The following SF3B6 variants were observed in gnomAD, a reference collection of about 807,000 sequenced individuals.
The protein encoded by SF3B6 is SF3b 14 kDa subunit.
SF3B6 carries 3 observed loss-of-function variants against 15.9 expected under a neutral mutation model. The ratio of observed to expected loss-of-function variants is 0.19; its 90% confidence interval spans 0.09 to 0.49. The LOEUF is 0.49. Ranked by LOEUF, SF3B6 falls within the 20% of genes least tolerant of loss-of-function variation. The probability of loss-of-function intolerance (pLI) is 0.97; values close to 1 mark genes in which losing one functional copy is unlikely to be tolerated. For missense variants in SF3B6, 71 were observed against 154.3 expected (o/e 0.46, Z 2.86); for synonymous variants, 49 against 51.1 (o/e 0.96, Z 0.18).
chr2:24,075,428 A>G (rs551904155), intron 1 of SF3B6, among the ~76,000 whole-genome samples: 2 of 149,724 alleles, frequency 1.3e-5, no homozygotes, highest in Non-Finnish European at 3.0e-5. Context: ...CAGTGGCACA[A>G]TCATGGCTCA....
At chr2:24,075,421 TG>T (rs1664723040) in intron 1 of SF3B6, among the ~76,000 whole-genome samples, 1 of 148,862 alleles carries the variant, frequency 6.7e-6, no homozygotes, top group Non-Finnish European at 1.5e-5. Flanking sequence ...TGCTGCGCAG[TG>T]GCACAATCAT....
At chr2:24,072,885 T>C (rs1664679135) in intron 2 of SF3B6, among the ~76,000 whole-genome samples, 1 of 152,260 alleles carries the variant, frequency 6.6e-6, no homozygotes, top group Non-Finnish European at 1.5e-5. Context: ...CTTGAACTCC[T>C]GGCCTTGTAT....
In SF3B6 at chr2:24,074,069, G is replaced by A. The variant is rs766848827; in HGVS notation, c.149+7C>T. The stretch of plus-strand genomic sequence containing the variant: ...TCATTTTCTTTAAATGACTCAGTAA[G>A]ACTCACACTCTGATTTGACGAATAG... On this transcript the variant is annotated splice_region_variant and intron_variant, in intron 2 of 3. Coordinates refer to ENST00000233468, the MANE Select transcript of SF3B6 (RefSeq NM_016047.4). 1.4e-6 allele frequency: 2 copies of A among 1,462,220 alleles called. No individual in the cohort carries two copies. Among genetic ancestry groups the A allele is most frequent in the Non-Finnish European group, 9.6e-7 (1 of 1,045,056 alleles). The allele number at this position is 1,462,220 out of a possible 1,614,324, so 90.6% of individuals were successfully genotyped here.
intron 1 of SF3B6, among the ~76,000 whole-genome samples, chr2:24,075,797 A>T (rs1407875592): frequency 1.3e-5 from 2 of 152,040 alleles, no homozygotes; most frequent in African/African-American, 4.8e-5. Context: ...TAATGTGTTA[A>T]TGAAGGATCC....
At chr2:24,068,825 CTTTGT>C (rs1316555415) in intron 2 of SF3B6, among the ~76,000 whole-genome samples, 7 of 152,134 alleles carry the variant, frequency 4.6e-5, no homozygotes, top group South Asian at 4.1e-4. Flanking sequence ...TCTACGTTGT[CTTTGT>C]TTTGTTTTGT....
At chr2:24,069,208 A>G (rs1169045152) in intron 2 of SF3B6, among the ~76,000 whole-genome samples, 2 of 152,236 alleles carry the variant, frequency 1.3e-5, no homozygotes, top group Non-Finnish European at 2.9e-5. Flanking sequence ...GCTAGGGAGA[A>G]GGGCTAGGCT....
Position 24,074,280 on chromosome 2 carries a change from T to A in SF3B6, c.31-86A>T, listed in dbSNP as rs143602291. 2.6e-4 allele frequency: 173 copies of A among 657,004 alleles called. 1 individual carries two copies. The African/African-American group carries it at 2.9e-3, about 11-fold the overall frequency. 40.7% of individuals were successfully genotyped at this position (657,004 alleles called of 1,614,324 possible). A position where few individuals can be genotyped will look rare whatever the true frequency, so the allele number is the denominator to read the frequency against. ...AATGCCCCTATAATTAGGGGCATTT[T>A]AAAAAATTCTTAATGATACGTAATA... On this transcript the variant is annotated intron_variant, in intron 1 of 3. Coordinates refer to ENST00000233468, the MANE Select transcript of SF3B6 (RefSeq NM_016047.4).
chr2:24,067,945 C>T (rs1664586372), intron 3 of SF3B6, 94 bp from the exon 4 acceptor site: 1 of 986,032 alleles, frequency 1.0e-6, no homozygotes, highest in Non-Finnish European at 1.6e-6. Context: ...TCATAGTAGA[C>T]ATATATCATC....
At chr2:24,076,149 G>A (rs774882029) in intron 1 of SF3B6, 51 bp downstream of exon 1, 3 of 1,612,544 alleles carry the variant, frequency 1.9e-6, no homozygotes, top group Non-Finnish European at 2.5e-6. Context: ...ACGCCGCTAA[G>A]AAAGTCAAAC....
At position 24,068,414 on chromosome 2, in the gene SF3B6, C is replaced by T. The variant is rs1428334006; in HGVS notation, c.195G>A (p.Glu65=). The T allele has an allele frequency of 6.2e-7, 1 of 1,614,104 alleles. No homozygotes were observed. Among genetic ancestry groups the T allele is most frequent in the Admixed American group, 1.7e-5 (1 of 59,990 alleles). ...ATGCATTCTTGGCATCAAAGATGTC[C>T]TCATAGACCACATAAGCTGTTCCTC... The part of the protein sequence containing the change: ...ETRGTAYVVY[E]DIFDAKNACD... The change falls in exon 3 of 4, where the codon GAG becomes GAA. Residue 65 remains glutamate (E), a synonymous_variant. Coordinates refer to ENST00000233468, the MANE Select transcript of SF3B6 (RefSeq NM_016047.4).
chr2:24,072,396 G>A (rs985275091), intron 2 of SF3B6, among the ~76,000 whole-genome samples: 2 of 152,116 alleles, frequency 1.3e-5, no homozygotes, highest in African/African-American at 4.8e-5. Flanking sequence ...GAGCCCTGGA[G>A]GAACTCACAA....
intron 1 of SF3B6, 26 bp downstream of exon 1, chr2:24,076,174 C>A: frequency 1.2e-6 from 2 of 1,614,158 alleles, no homozygotes; most frequent in Non-Finnish European, 1.7e-6. Flanking sequence ...AGTTCTCCCA[C>A]CCTCCGCAGA....
At chr2:24,075,347 T>G (rs1332831683) in intron 1 of SF3B6, among the ~76,000 whole-genome samples, 1 of 141,432 alleles carries the variant, frequency 7.1e-6, no homozygotes, top group South Asian at 2.2e-4. Flanking sequence ...CTTTCTTTCT[T>G]TCTTTCTTTC....
intron 2 of SF3B6, among the ~76,000 whole-genome samples, chr2:24,073,231 G>A (rs190783978): frequency 3.9e-5 from 6 of 152,286 alleles, no homozygotes; most frequent in African/African-American, 1.4e-4. Flanking sequence ...AACTTTATAC[G>A]TAGTCATTAC....
chr2:24,068,054 CTG>C lies in SF3B6; in HGVS notation c.289-205_289-204del, dbSNP rs1459250061. Among the ~76,000 whole-genome samples, 7 of 152,276 alleles carry C rather than the reference CTG, an allele frequency of 4.6e-5. No individual in the cohort carries two copies. The East Asian group carries it at 1.3e-3, about 29-fold the overall frequency. The stretch of plus-strand genomic sequence containing the variant: ...CTTGGCTCACTGCAGGCTCCACCCC[CTG>C]GGGTTCACGCCATTCTCCTGCCTCA... On this transcript the variant is annotated intron_variant, in intron 3 of 3. Transcript: ENST00000233468.
chr2:24,075,803 G>C (rs1281233715), intron 1 of SF3B6, among the ~76,000 whole-genome samples: 1 of 151,998 alleles, frequency 6.6e-6, no homozygotes, highest in Non-Finnish European at 1.5e-5. Context: ...GTTAATGAAG[G>C]ATCCGAAAAG....
At chr2:24,068,054 C>A (rs951837598) in intron 3 of SF3B6, among the ~76,000 whole-genome samples, 1 of 152,158 alleles carries the variant, frequency 6.6e-6, no homozygotes, top group African/African-American at 2.4e-5. Context: ...GCTCCACCCC[C>A]TGGGGTTCAC....
chr2:24,071,974 T>G (rs1664657313), intron 2 of SF3B6, among the ~76,000 whole-genome samples: 2 of 152,136 alleles, frequency 1.3e-5, no homozygotes, highest in African/African-American at 2.4e-5. Context: ...CTTTTTATAT[T>G]ATTCTTCTAT....
intron 2 of SF3B6, among the ~76,000 whole-genome samples, chr2:24,071,889 TCA>T (rs1458800468): frequency 6.6e-6 from 1 of 152,246 alleles, no homozygotes; most frequent in Non-Finnish European, 1.5e-5. Context: ...TTCTCTAACT[TCA>T]CTGATTTTAA....
Sources: allele counts gnomAD v4.1 joint callset (sites outside exome capture counted in the v4.1 genomes callset), GRCh38; gene constraint gnomAD v4.1.1; transcripts MANE v1.5; gene names NCBI Gene and HGNC (gene_info 2026-07-23, HGNC 2026-07-21).